RCOR1: variants seen among roughly 807,000 people sequenced by gnomAD.
RCOR1 encodes REST corepressor 1.
A neutral mutation model predicts 64.0 loss-of-function variants in RCOR1; 12 were observed. The ratio of observed to expected loss-of-function variants is 0.19; its 90% CI spans 0.12 to 0.30. The LOEUF (loss-of-function observed/expected upper bound fraction) is 0.30, where lower values mean the gene tolerates loss of function less well. Ranked by LOEUF, RCOR1 falls within the 10% of genes least tolerant of loss-of-function variation. The pLI is 1.00. For synonymous variants in RCOR1, 279 were observed against 227.2 expected, an observed-to-expected ratio of 1.23 and a Z score of -2.05; for missense variants, 502 against 621.2, an observed-to-expected ratio of 0.81 and a Z score of 2.04.
At chr14:102,632,868 G>A (rs1281232631) in intron 2 of RCOR1, among the ~76,000 whole-genome samples, 14 of 149,592 alleles carry the variant, frequency 9.4e-5, no homozygotes, top group Non-Finnish European at 1.6e-4. Context: ...ACTGAGTGCA[G>A]TGAAGTGATT....
chr14:102,608,005 G>T (rs1429274836), intron 2 of RCOR1, among the ~76,000 whole-genome samples: 1 of 151,888 alleles, frequency 6.6e-6, no homozygotes, highest in African/African-American at 2.4e-5. Flanking sequence ...GCCATCAGCC[G>T]AGATCACGCT....
At chr14:102,719,628 G>A (rs749664503) in intron 8 of RCOR1, among the ~76,000 whole-genome samples, 1 of 152,188 alleles carries the variant, frequency 6.6e-6, no homozygotes, top group Non-Finnish European at 1.5e-5. Context: ...ATGCAGCCTA[G>A]ATATTTCTGA....
intron 2 of RCOR1, among the ~76,000 whole-genome samples, chr14:102,668,133 ATC>A (rs1894953163): frequency 6.6e-6 from 1 of 152,144 alleles, no homozygotes; most frequent in Non-Finnish European, 1.5e-5. Context: ...TTTTGTTAAA[ATC>A]TCTTATTCAT....
chr14:102,619,473 C>CTTTTT (rs35488660), intron 2 of RCOR1, among the ~76,000 whole-genome samples: 4 of 131,182 alleles, frequency 3.0e-5, no homozygotes, highest in Non-Finnish European at 4.8e-5. Flanking sequence ...TCTATCTAAT[C>CTTTTT]TTTTTTTTTT....
intron 2 of RCOR1, among the ~76,000 whole-genome samples, chr14:102,629,849 T>C (rs1894072809): frequency 6.6e-6 from 1 of 152,204 alleles, no homozygotes; most frequent in Non-Finnish European, 1.5e-5. Flanking sequence ...ATCCCCTTTG[T>C]ACAGACCATA....
chr14:102,697,765 G>T (rs933915953), intron 3 of RCOR1, among the ~76,000 whole-genome samples: 6 of 150,942 alleles, frequency 4.0e-5, no homozygotes, highest in Admixed American at 2.6e-4. Flanking sequence ...CTGTTGCCCA[G>T]GTTGGAATGC....
rs1225485522 is a variant in RCOR1 at position 102,633,912 on chromosome 14, C to A, written c.361+40587C>A. ...AAAGAAAATTCTAAAATTAAAAATTCTATTCTCTGTATAATACATAGAAGG... is the reference window on the plus strand; with the variant it reads ...AAAGAAAATTCTAAAATTAAAAATTATATTCTCTGTATAATACATAGAAGG... On this transcript the variant is annotated intron_variant, in intron 2 of 11. Coordinates refer to ENST00000262241, the MANE Select transcript of RCOR1 (RefSeq NM_015156.4). Among the ~76,000 whole-genome samples, 2 of 152,148 alleles carry A rather than the reference C, an allele frequency of 1.3e-5. 1 individual carries two copies. The highest frequency in any genetic ancestry group is 4.8e-5 in the African/African-American group (2 of 41,418).
chr14:102,631,395 G>C (rs180824691), intron 2 of RCOR1, among the ~76,000 whole-genome samples: 1 of 151,894 alleles, frequency 6.6e-6, no homozygotes, highest in Non-Finnish European at 1.5e-5. Flanking sequence ...AGTAGAGACG[G>C]GGTTTCACCG....
chr14:102,645,128 C>T (rs144387857), intron 2 of RCOR1, among the ~76,000 whole-genome samples: 132 of 152,256 alleles, frequency 8.7e-4, no homozygotes, highest in African/African-American at 3.2e-3. Context: ...CACACTTAGC[C>T]TGTTTGTGGT....
At position 102,605,328 on chromosome 14, in the gene RCOR1, A is replaced by G. The variant is rs573566966; in HGVS notation, c.361+12003A>G. ...TTCCTGCATGTATGTTGAAATAGTC[A>G]TCTTCACAACTTAGAATATAGTTGG... On this transcript the variant is annotated intron_variant, in intron 2 of 11. Transcript: ENST00000262241. Among the ~76,000 whole-genome samples the G allele has an allele frequency of 5.3e-5, 8 of 152,290 alleles. No individual in the cohort carries two copies. In the South Asian group the frequency reaches 6.2e-4, roughly 12 times the overall value.
At chr14:102,634,045 C>T (rs1190342) in intron 2 of RCOR1, among the ~76,000 whole-genome samples, 121,019 of 152,044 alleles carry the variant, frequency 0.8, 48,452 homozygotes, top group Middle Eastern at 0.87. Flanking sequence ...GTGAGGCTTT[C>T]TGTCTTTCCT....
chr14:102,634,280 G>A (rs2139913711), intron 2 of RCOR1, among the ~76,000 whole-genome samples: 1 of 152,208 alleles, frequency 6.6e-6, no homozygotes, highest in South Asian at 2.1e-4. Context: ...GGCCGAGGCA[G>A]GAGGGTCACT....
In RCOR1 at chr14:102,606,320, C is replaced by G. The variant is rs547094522; in HGVS notation, c.361+12995C>G. Among the ~76,000 whole-genome samples, 108 of 152,178 alleles carry G rather than the reference C, an allele frequency of 7.1e-4. 1 individual carries two copies. The highest frequency in any genetic ancestry group is 2.5e-3 in the African/African-American group (105 of 41,532). Reference sequence around the variant, plus strand: ...CAGGTGATTTGCCTGTCTTGGCCTCCCACAGTGCTGGGATTACAGGTGTGA... The same window carrying G: ...CAGGTGATTTGCCTGTCTTGGCCTCGCACAGTGCTGGGATTACAGGTGTGA... On this transcript the variant is annotated intron_variant, in intron 2 of 11. Transcript: ENST00000262241.
chr14:102,593,163 G>A lies in RCOR1; in HGVS notation c.277G>A (p.Gly93Ser). 6.6e-7 allele frequency: 1 copy of A among 1,524,522 alleles called. No individual in the cohort carries two copies. The highest frequency in any genetic ancestry group is 1.2e-5 in the South Asian group (1 of 80,960). The allele number at this position is 1,524,522 out of a possible 1,614,324, so 94.4% of individuals were successfully genotyped here. ...SSNSWEEGSSGSSSDEEHGGG... is the reference protein window; with the variant it reads ...SSNSWEEGSSSSSSDEEHGGG... ...CAACTCCTGGGAGGAAGGCAGCTCG[G>A]GCTCGTCCAGCGACGAGGAGCACGG... The change falls in exon 1 of 12, where the codon GGC becomes AGC. Residue 93 changes from glycine (G) to serine (S), a missense_variant. Physicochemically the swap from Gly to Ser is moderately conservative, Grantham distance 56 (BLOSUM62 0). Coordinates refer to ENST00000262241, the MANE Select transcript of RCOR1 (RefSeq NM_015156.4).
intron 2 of RCOR1, among the ~76,000 whole-genome samples, chr14:102,630,508 T>C (rs1894089647): frequency 6.6e-6 from 1 of 152,220 alleles, no homozygotes; most frequent in Non-Finnish European, 1.5e-5. Context: ...ATGTACTCCA[T>C]TCAAAGCAAC....
chr14:102,688,753 G>A (rs1895471315), intron 3 of RCOR1, among the ~76,000 whole-genome samples: 1 of 152,142 alleles, frequency 6.6e-6, no homozygotes, highest in Non-Finnish European at 1.5e-5. Context: ...TACTCCACAC[G>A]TTTCTGTTGA....
chr14:102,678,047 A>AAT (rs1895226606), intron 2 of RCOR1, among the ~76,000 whole-genome samples: 1 of 150,224 alleles, frequency 6.7e-6, no homozygotes, highest in African/African-American at 2.4e-5. Context: ...AAAAAAAAAA[A>AAT]CGAAAACCAG....
At chr14:102,598,978 T>C (rs1335005912) in intron 2 of RCOR1, among the ~76,000 whole-genome samples, 1 of 152,170 alleles carries the variant, frequency 6.6e-6, no homozygotes, top group Non-Finnish European at 1.5e-5. Context: ...CTGCCGCAGA[T>C]TATGCTGAGT....
chr14:102,722,545 C>T (rs1288192374), intron 11 of RCOR1, 129 bp downstream of exon 11: 11 of 680,372 alleles, frequency 1.6e-5, no homozygotes, highest in Non-Finnish European at 2.8e-5. Context: ...TCACTCTTAC[C>T]TGTAAATAGC....
Sources: gnomAD v4.1 joint callset for allele counts (sites outside exome capture counted in the v4.1 genomes callset) on GRCh38, gnomAD v4.1.1 for gene constraint, MANE v1.5 for transcripts, NCBI Gene and HGNC (gene_info 2026-07-23, HGNC 2026-07-21) for gene names.